BCO2: variants seen among roughly 807,000 people sequenced by gnomAD.
BCO2 encodes the protein carotenoid-cleaving dioxygenase, mitochondrial.
In BCO2, 56 loss-of-function variants were observed where a neutral mutation model predicts 65.8. That is an observed-to-expected ratio of 0.85 (90% CI 0.69 to 1.06). The LOEUF is 1.06. Among genes scored for constraint, BCO2 ranks in the 50% least tolerant of loss-of-function variants. BCO2 has a pLI of 0.00. For missense variants in BCO2, 675 were observed against 698.5 expected, an observed-to-expected ratio of 0.97 and a Z score of 0.38; for synonymous variants, 233 against 242.3, an observed-to-expected ratio of 0.96 and a Z score of 0.36.
Position 112,218,595 on chromosome 11 carries a change from C to A in BCO2, c.*721C>A. The A allele has an allele frequency of 4.5e-6, 1 of 223,388 alleles. No homozygotes were observed. The highest frequency in any genetic ancestry group is 9.6e-6 in the Non-Finnish European group (1 of 104,662). The allele number at this position is 223,388 out of a possible 1,614,324, so 13.8% of individuals were successfully genotyped here. A position where few individuals can be genotyped will look rare whatever the true frequency, so the allele number is the denominator to read the frequency against. On this transcript the variant is annotated 3_prime_UTR_variant, in exon 12 of 12. Transcript: ENST00000357685. ...ACAAGAAACCAGAGGAATGGGTAGG[C>A]CTCTGTAAAACTGAGAGGGAAACCC...
chr11:112,213,696 T>G (rs1438784018), intron 8 of BCO2, 28 bp from the exon 9 acceptor site: 6 of 1,607,964 alleles, frequency 3.7e-6, no homozygotes, highest in Admixed American at 1.7e-5. Context: ...TGAATGACAA[T>G]TTTCATCTCT....
At chr11:112,181,070 T>A in intron 2 of BCO2, 1 of 1,493,420 alleles carries the variant, frequency 6.7e-7, no homozygotes, top group Non-Finnish European at 9.3e-7. Flanking sequence ...AGGGCGGTAC[T>A]TTACAACTAC....
At chr11:112,199,455 T>G (rs1867669845) in intron 5 of BCO2, among the ~76,000 whole-genome samples, 1 of 150,112 alleles carries the variant, frequency 6.7e-6, no homozygotes, top group Non-Finnish European at 1.5e-5. Flanking sequence ...AAGTTAGCAT[T>G]ATAGTACAAT....
intron 2 of BCO2, among the ~76,000 whole-genome samples, chr11:112,190,246 T>G (rs1867333859): frequency 6.6e-6 from 1 of 152,176 alleles, no homozygotes; most frequent in African/African-American, 2.4e-5. Context: ...ACAGTGCCAC[T>G]GCACTCCATC....
Position 112,178,394 on chromosome 11 carries a change from G to C in BCO2, c.89-884G>C, listed in dbSNP as rs141885426. ...TGAAAGATTTGAAAGAAATGGGATA[G>C]TAACAACTTGCTAAAAGAATGCAAA... is the stretch of plus-strand genomic sequence containing the variant. On this transcript the variant is annotated intron_variant, in intron 1 of 11. Coordinates refer to ENST00000357685, the MANE Select transcript of BCO2 (RefSeq NM_031938.7). 7.2e-3 allele frequency among the ~76,000 whole-genome samples: 1,089 copies of C among 152,306 alleles called. 15 individuals are homozygous for C. The highest frequency in any genetic ancestry group is 0.024 in the African/African-American group (991 of 41,570).
At chr11:112,182,376 A>G (rs989403879) in intron 2 of BCO2, among the ~76,000 whole-genome samples, 3 of 152,224 alleles carry the variant, frequency 2.0e-5, no homozygotes, top group African/African-American at 7.2e-5. Flanking sequence ...ACTATAAATC[A>G]TGCTGCTATA....
Position 112,200,705 on chromosome 11 carries a change from T to C in BCO2, c.958T>C (p.Ser320Pro), listed in dbSNP as rs1049620068. 2.5e-6 allele frequency: 4 copies of C among 1,613,856 alleles called. No homozygotes were observed. The African/African-American group carries it at 5.3e-5, about 22-fold the overall frequency. ...ATSKIRGKAF[S>P]DGISWEPQCN... ...TTCTAAAATTCGGGGAAAGGCCTTT[T>C]CAGATGGGATAAGCTGGGAACCCCA... The change falls in exon 7 of 12, where the codon TCA becomes CCA. Residue 320 changes from serine (S) to proline (P), a missense_variant. Coordinates refer to ENST00000357685, the MANE Select transcript of BCO2 (RefSeq NM_031938.7).
chr11:112,180,769 C>T (rs547741029), intron 2 of BCO2: 9 of 947,016 alleles, frequency 9.5e-6, no homozygotes, highest in East Asian at 2.4e-5. Context: ...GTGGGGGCAG[C>T]GTGATGAGGC....
intron 1 of BCO2, chr11:112,175,931 T>G (rs1420881156): frequency 5.1e-6 from 2 of 394,958 alleles, no homozygotes; most frequent in African/African-American, 2.0e-5. Context: ...TAAGGCAGGA[T>G]TCAGGGACTT....
At chr11:112,207,790 A>G (rs190777026) in intron 8 of BCO2, among the ~76,000 whole-genome samples, 40 of 152,220 alleles carry the variant, frequency 2.6e-4, no homozygotes, top group African/African-American at 9.2e-4. Context: ...TGAACACAAT[A>G]TATCTTTCCA....
In BCO2 at chr11:112,213,131, CTTTTTTTTT is replaced by C. The variant is rs35527541; in HGVS notation, c.1195-572_1195-564del. On this transcript the variant is annotated intron_variant, in intron 8 of 11. Coordinates refer to ENST00000357685, the MANE Select transcript of BCO2 (RefSeq NM_031938.7). Reference sequence around the variant, plus strand: ...TGTTTATTTGATGCTAATTAAATAACTTTTTTTTTTTTTTTTTTTTTTTTTTTTTGTGAC... The same window carrying C: ...TGTTTATTTGATGCTAATTAAATAACTTTTTTTTTTTTTTTTTTTTGTGAC... Among the ~76,000 whole-genome samples the C allele has an allele frequency of 5.8e-3, 369 of 63,122 alleles. 1 individual carries two copies. Among genetic ancestry groups the C allele is most frequent in the Middle Eastern group, 0.014 (1 of 70 alleles). 41.4% of individuals were successfully genotyped at this position (63,122 alleles called of 152,430 possible). A position where few individuals can be genotyped will look rare whatever the true frequency, so the allele number is the denominator to read the frequency against.
chr11:112,179,503 A>C (rs774428809), intron 2 of BCO2, 21 bp downstream of exon 2: 2 of 1,605,226 alleles, frequency 1.2e-6, no homozygotes, highest in Non-Finnish European at 1.7e-6. Context: ...ATTTTGGAGA[A>C]CAACTTGGAT....
At chr11:112,183,985 A>G (rs528118560) in intron 2 of BCO2, among the ~76,000 whole-genome samples, 56 of 152,348 alleles carry the variant, frequency 3.7e-4, no homozygotes, top group Admixed American at 3.3e-3. Context: ...CACCAGACCA[A>G]GCAATTCTGT....
intron 5 of BCO2, among the ~76,000 whole-genome samples, chr11:112,197,655 C>G (rs1220363327): frequency 6.6e-6 from 1 of 152,198 alleles, no homozygotes. Flanking sequence ...GTCACTATCC[C>G]TTCTCACTTG....
At position 112,202,009 on chromosome 11, in the gene BCO2, G is replaced by GT; in HGVS notation, c.1027-10dup. 2 of 1,542,710 alleles carry GT rather than the reference G, an allele frequency of 1.3e-6. No individual in the cohort carries two copies. The highest frequency in any genetic ancestry group is 1.7e-6 in the Non-Finnish European group (2 of 1,148,546). On this transcript the variant is annotated splice_polypyrimidine_tract_variant and intron_variant, in intron 7 of 11. Transcript: ENST00000357685. ...AAAAAAAATTTTTTTCATTGTTTGT[G>GT]TTTTCCCCTGCAGCTCCTTCCAGGG...
In BCO2 at chr11:112,214,800, A is replaced by G. The variant is rs773315098; in HGVS notation, c.1371A>G (p.Leu457=). 3 of 1,613,940 alleles carry G rather than the reference A, an allele frequency of 1.9e-6. No homozygotes were observed. The South Asian group carries it at 3.3e-5, about 18-fold the overall frequency. ...CSHENLHQED[L]EKEGGIEFPQ... is the part of the protein sequence containing the mutation. The stretch of plus-strand genomic sequence containing the variant: ...ATGAAAATCTACATCAGGAGGACCT[A>G]GAAAAGGAAGGAGGCATTGAATTTC... The change falls in exon 10 of 12, where the codon CTA becomes CTG. Residue 457 remains leucine (L), a synonymous_variant. Coordinates refer to ENST00000357685, the MANE Select transcript of BCO2 (RefSeq NM_031938.7).
At chr11:112,194,432 T>G (rs1867500324) in intron 4 of BCO2, 1 of 478,066 alleles carries the variant, frequency 2.1e-6, no homozygotes, top group Non-Finnish European at 3.6e-6. Flanking sequence ...TTATTCAGGG[T>G]GGTTTTGTTG....
intron 2 of BCO2, among the ~76,000 whole-genome samples, chr11:112,180,547 A>G (rs1466250819): frequency 6.6e-6 from 1 of 152,124 alleles, no homozygotes; most frequent in Non-Finnish European, 1.5e-5. Context: ...ATAAATGAAA[A>G]ACCCAGGCAG....
intron 3 of BCO2, 30 bp downstream of exon 3, chr11:112,193,727 G>T (rs761693069): frequency 3.2e-6 from 5 of 1,586,128 alleles, no homozygotes; most frequent in East Asian, 2.2e-5. Context: ...AAACTATTAC[G>T]ATATATAACC....
Sources: gnomAD v4.1 joint callset for allele counts (sites outside exome capture counted in the v4.1 genomes callset) on GRCh38, gnomAD v4.1.1 for gene constraint, MANE v1.5 for transcripts, NCBI Gene and HGNC (gene_info 2026-07-23, HGNC 2026-07-21) for gene names.